ERBB3: variants seen among roughly 807,000 people sequenced by gnomAD.
ERBB3 encodes erb-b2 receptor tyrosine kinase 3.
Under a neutral mutation model 156.7 loss-of-function variants are expected in ERBB3, and 96 were observed. The ratio of observed to expected loss-of-function variants is 0.61; its 90% confidence interval spans 0.52 to 0.73. The LOEUF is 0.73. Ranked by LOEUF, ERBB3 falls within the 30% of genes least tolerant of loss-of-function variation. ERBB3 has a pLI of 0.00. For synonymous variants in ERBB3, 567 were observed against 632.0 expected (o/e 0.90, Z 1.54); for missense variants, 1,406 against 1,709.4 (o/e 0.82, Z 3.13).
At position 56,098,697 on chromosome 12, in the gene ERBB3, C is replaced by T. The variant is rs183290419; in HGVS notation, c.2693-62C>T. On this transcript the variant is annotated intron_variant, in intron 22 of 27. Coordinates refer to ENST00000267101, the MANE Select transcript of ERBB3 (RefSeq NM_001982.4). ...TTGTGTTAGATCAGGTTCTGCCTTC[C>T]CTTCACTTCATGCCCATGTCTACTA... 7.5e-6 allele frequency: 12 copies of T among 1,599,276 alleles called. No individual in the cohort carries two copies. The East Asian group carries it at 2.5e-4, about 33-fold the overall frequency.
At chr12:56,085,466 C>G in intron 3 of ERBB3, 2 of 1,381,042 alleles carry the variant, frequency 1.4e-6, no homozygotes, top group Non-Finnish European at 9.3e-7. Flanking sequence ...TACCGGAGGC[C>G]AGGCCTGATG....
chr12:56,088,663 A>G lies in ERBB3; in HGVS notation c.988+7A>G, dbSNP rs753010641. 1.2e-6 allele frequency: 2 copies of G among 1,613,184 alleles called. No individual in the cohort carries two copies. The highest frequency in any genetic ancestry group is 1.7e-6 in the Non-Finnish European group (2 of 1,179,100). ...GGGGGACTATGTCCCAAAGGTGGGT[A>G]GGAGATGGTAAGAAGTTGTAAAGAG... On this transcript the variant is annotated splice_region_variant and intron_variant, in intron 8 of 27. Coordinates refer to ENST00000267101, the MANE Select transcript of ERBB3 (RefSeq NM_001982.4).
chr12:56,100,299 A>G, intron 26 of ERBB3, 54 bp downstream of exon 26: 1 of 1,374,418 alleles, frequency 7.3e-7, no homozygotes, highest in East Asian at 2.3e-5. Flanking sequence ...TACGAGTAGT[A>G]TGGAAGACAT....
intron 23 of ERBB3, 37 bp downstream of exon 23, chr12:56,098,942 TTTC>T (rs764967058): frequency 5.2e-6 from 8 of 1,542,966 alleles, no homozygotes; most frequent in South Asian, 3.5e-5. Flanking sequence ...TTTCTCTTTT[TTTC>T]TTTTTTTTTC....
chr12:56,096,784 C>G lies in ERBB3; in HGVS notation c.2212C>G (p.Pro738Ala). 4 of 1,613,950 alleles carry G rather than the reference C, an allele frequency of 2.5e-6. No individual in the cohort carries two copies. Among genetic ancestry groups the G allele is most frequent in the Non-Finnish European group, 3.4e-6 (4 of 1,179,944 alleles). Residue 738 changes from proline (P) to alanine (A), a missense_variant, in exon 19 of 28, where the codon CCA becomes GCA. By Grantham distance (27) the Pro-to-Ala change is conservative. This residue lies in a region of ERBB3 where 979 missense variants were observed against 1,219.6 expected (regional missense o/e 0.80). Coordinates refer to ENST00000267101, the MANE Select transcript of ERBB3 (RefSeq NM_001982.4). ...CCCTGAGGGTGAATCAATCAAGATT[C>G]CAGTCTGCATTAAAGTCATTGAGGA... ...WIPEGESIKI[P>A]VCIKVIEDKS...
chr12:56,103,371 G>A lies in ERBB3; in HGVS notation c.*1316G>A, dbSNP rs987145270. ...CAGTGAGAAGCTTCCAGGTAGGACA[G>A]AAAAAAGATCCAGCTTCAGCTGCAC... On this transcript the variant is annotated 3_prime_UTR_variant, in exon 28 of 28. Coordinates refer to ENST00000267101, the MANE Select transcript of ERBB3 (RefSeq NM_001982.4). The A allele has an allele frequency of 1.8e-5, 4 of 218,856 alleles. No individual in the cohort carries two copies. In the Admixed American group the frequency reaches 2.3e-4, roughly 13 times the overall value. The allele number at this position is 218,856 out of a possible 1,614,324, so 13.6% of individuals were successfully genotyped here.
intron 15 of ERBB3, among the ~76,000 whole-genome samples, chr12:56,094,953 A>G (rs2136813938): frequency 6.7e-6 from 1 of 148,562 alleles, no homozygotes; most frequent in Non-Finnish European, 1.5e-5. Context: ...CTCTGTCTCA[A>G]AAAAAAAAAA....
At position 56,097,245 on chromosome 12, in the gene ERBB3, G is replaced by A; in HGVS notation, c.2460+15G>A. 6.2e-7 allele frequency: 1 copy of A among 1,612,792 alleles called. No individual in the cohort carries two copies. The highest frequency in any genetic ancestry group is 8.5e-7 in the Non-Finnish European group (1 of 1,178,810). Reference sequence around the variant, plus strand: ...AAATTGCCAAGGTGAGAGAAGCCTGGAGGAATTCTGTGATAAGAACTGCTT... The same window carrying A: ...AAATTGCCAAGGTGAGAGAAGCCTGAAGGAATTCTGTGATAAGAACTGCTT... On this transcript the variant is annotated intron_variant, in intron 20 of 27. Transcript: ENST00000267101.
rs745487835 is a variant in ERBB3, at chr12:56,101,825, C to T, written c.3799C>T (p.Arg1267Ter). Residue 1267 changes from arginine to a stop codon, truncating the protein, a stop_gained, in exon 28 of 28, where the codon CGA becomes TGA. Coordinates refer to ENST00000267101, the MANE Select transcript of ERBB3 (RefSeq NM_001982.4). LOFTEE classifies it high-confidence loss of function. The stretch of plus-strand genomic sequence containing the variant: ...AGACTATGAATATATGAATCGGCAA[C>T]GAGATGGAGGTGGTCCTGGGGGTGA... ...DEDYEYMNRQ[R>*]DGGGPGGDYA... is the part of the protein sequence containing the mutation. 1.3e-5 allele frequency: 21 copies of T among 1,613,162 alleles called. No individual in the cohort carries two copies. Among genetic ancestry groups the T allele is most frequent in the South Asian group, 6.6e-5 (6 of 91,016 alleles).
At chr12:56,092,433 C>CTATTTACTCT (rs1868746599) in intron 9 of ERBB3, among the ~76,000 whole-genome samples, 3 of 139,248 alleles carry the variant, frequency 2.2e-5, no homozygotes, top group Non-Finnish European at 4.6e-5. Context: ...TCTTCCTTTC[C>CTATTTACTCT]TATTTACTCT....
In ERBB3 at chr12:56,098,264, T is replaced by C. The variant is rs1245153828; in HGVS notation, c.2617-236T>C. The C allele has an allele frequency of 2.3e-5, 12 of 528,886 alleles. No homozygotes were observed. The East Asian group carries it at 4.0e-4, about 18-fold the overall frequency. 32.8% of individuals were successfully genotyped at this position (528,886 alleles called of 1,614,324 possible). A position where few individuals can be genotyped will look rare whatever the true frequency, so the allele number is the denominator to read the frequency against. On this transcript the variant is annotated intron_variant, in intron 21 of 27. Transcript: ENST00000267101. ...CTAAATATACAAAAAAAAAAAAAAT[T>C]AGCCAGGCGTGGCGGCATGCATCTG... is the stretch of plus-strand genomic sequence containing the variant.
chr12:56,099,755 G>A lies in ERBB3; in HGVS notation c.2937+10G>A. The A allele has an allele frequency of 1.9e-6, 3 of 1,613,388 alleles. No individual in the cohort carries two copies. Among genetic ancestry groups the A allele is most frequent in the Non-Finnish European group, 2.5e-6 (3 of 1,179,288 alleles). ...GTATCTGGTCATAAAGGTGAGTAGG[G>A]AGTAGGAGGTGCTAAGGAAATTTAG... On this transcript the variant is annotated intron_variant, in intron 24 of 27. Coordinates refer to ENST00000267101, the MANE Select transcript of ERBB3 (RefSeq NM_001982.4).
At position 56,097,782 on chromosome 12, in the gene ERBB3, C is replaced by T. The variant is rs536805768; in HGVS notation, c.2461-3C>T. On this transcript the variant is annotated splice_polypyrimidine_tract_variant and splice_region_variant and intron_variant, in intron 20 of 27. Transcript: ENST00000267101. ...AGAATACTTTCTTCCCCTATACCTA[C>T]AGGGAATGTACTACCTTGAGGAACA... 6.2e-6 allele frequency: 10 copies of T among 1,613,208 alleles called. No homozygotes were observed. The highest frequency in any genetic ancestry group is 4.4e-5 in the South Asian group (4 of 91,056).
chr12:56,099,739 C>G lies in ERBB3; in HGVS notation c.2931C>G (p.Val977=), dbSNP rs772186703. 35 of 1,613,738 alleles carry G rather than the reference C, an allele frequency of 2.2e-5. No homozygotes were observed. Among genetic ancestry groups the G allele is most frequent in the Non-Finnish European group, 2.8e-5 (33 of 1,179,798 alleles). ...CCCGAGACCCACCACGGTATCTGGTCATAAAGGTGAGTAGGGAGTAGGAGG... is the reference window on the plus strand; with the variant it reads ...CCCGAGACCCACCACGGTATCTGGTGATAAAGGTGAGTAGGGAGTAGGAGG... ...RMARDPPRYL[V]IKRESGPGIA... Residue 977 remains valine (V), a synonymous_variant, in exon 24 of 28, where the codon GTC becomes GTG. Coordinates refer to ENST00000267101, the MANE Select transcript of ERBB3 (RefSeq NM_001982.4).
chr12:56,099,614 T>C, intron 23 of ERBB3, 34 bp from the exon 24 acceptor site: 1 of 1,586,700 alleles, frequency 6.3e-7, no homozygotes. Context: ...ATGTATTCTC[T>C]TTTATGTCTC....
At position 56,086,631 on chromosome 12, in the gene ERBB3, AG is replaced by A. The variant is rs1414960025; in HGVS notation, c.523del (p.Val175TrpfsTer2). The part of the protein sequence containing the change: ...DIVRDRDAEI[V>X]VKDNGRSCPP... ...TCGTGAGGGACCGAGATGCTGAGAT[AG>A]TGGTGAAGGACAATGGCAGAAGCTG... On this transcript the variant is annotated frameshift_variant, in exon 4 of 28. Coordinates refer to ENST00000267101, the MANE Select transcript of ERBB3 (RefSeq NM_001982.4). LOFTEE classifies it high-confidence loss of function. The A allele has an allele frequency of 6.2e-7, 1 of 1,614,132 alleles. No individual in the cohort carries two copies. Among genetic ancestry groups the A allele is most frequent in the Non-Finnish European group, 8.5e-7 (1 of 1,180,006 alleles).
intron 9 of ERBB3, chr12:56,089,107 T>C (rs1868584220): frequency 3.2e-6 from 2 of 615,510 alleles, no homozygotes; most frequent in Non-Finnish European, 3.0e-6. Context: ...AGGAACAACA[T>C]ATCCTCCTTC....
rs1868786575 is a variant in ERBB3 at position 56,093,527 on chromosome 12, A to G, written c.1457A>G (p.His486Arg). ...GPTEERLDIK[H>R]NRPRRDCVAE... ...ACGGAAGAGCGACTAGACATCAAGC[A>G]TAATCGGCCGCGCAGAGACTGCGGT... Residue 486 changes from histidine to arginine, a missense_variant, in exon 12 of 28, where the codon CAT becomes CGT. By Grantham distance (29) the His-to-Arg change is conservative. This residue lies in a region of ERBB3 where 979 missense variants were observed against 1,219.6 expected (regional missense o/e 0.80). Coordinates refer to ENST00000267101, the MANE Select transcript of ERBB3 (RefSeq NM_001982.4). 6.2e-7 allele frequency: 1 copy of G among 1,612,936 alleles called. No homozygotes were observed. The highest frequency in any genetic ancestry group is 8.5e-7 in the Non-Finnish European group (1 of 1,179,860).
chr12:56,082,798 C>T (rs755345207), intron 1 of ERBB3, among the ~76,000 whole-genome samples: 6 of 152,272 alleles, frequency 3.9e-5, no homozygotes, highest in Non-Finnish European at 8.8e-5. Context: ...AGGCTCTCCC[C>T]TAGTGTGGGT....
Sources: gnomAD v4.1 joint callset for allele counts (sites outside exome capture counted in the v4.1 genomes callset) on GRCh38, gnomAD v4.1.1 for gene constraint, gnomAD v4.1.1 regional missense constraint, MANE v1.5 for transcripts, NCBI Gene and HGNC (gene_info 2026-07-23, HGNC 2026-07-21) for gene names.